Variants in GTF2A1L observed in about 807,000 individuals in gnomAD.
GTF2A1L encodes TFIIA-alpha and beta-like factor.
GTF2A1L carries 48 observed loss-of-function variants against 49.7 expected under a neutral mutation model. The observed-to-expected ratio is 0.97, with a 90% CI of 0.77 to 1.23. The LOEUF is 1.23. GTF2A1L is among the 50% of genes most tolerant of loss of function. GTF2A1L has a pLI of 0.00. For synonymous variants in GTF2A1L, 246 were observed against 193.5 expected, an observed-to-expected ratio of 1.27 and a Z score of -2.25; for missense variants, 736 against 564.8, an observed-to-expected ratio of 1.30 and a Z score of -3.07.
rs74515096 is a variant in GTF2A1L at position 48,673,038 on chromosome 2, T to C, written c.1329+1358T>C. On this transcript the variant is annotated intron_variant, in intron 8 of 8. Coordinates refer to ENST00000403751, the MANE Select transcript of GTF2A1L (RefSeq NM_006872.5). The stretch of plus-strand genomic sequence containing the variant: ...TTCTGGAATTTCATATGAAAGAAAT[T>C]ATATAATATGTGGTCTTTTGTTACT... 7.4e-4 allele frequency among the ~76,000 whole-genome samples: 112 copies of C among 152,332 alleles called. 2 individuals carry two copies. In the East Asian group the frequency reaches 0.02, roughly 27 times the overall value.
In GTF2A1L at chr2:48,646,935, G is replaced by A. The variant is rs1266122240; in HGVS notation, c.871G>A (p.Val291Met). The change falls in exon 6 of 9, where the codon GTG (valine) becomes ATG (methionine). Residue 291 changes from valine to methionine, a missense_variant. Val to Met is a conservative substitution (Grantham distance 21). Transcript: ENST00000403751. ...TSPHGALHQH[V>M]TDIQLHILKN... ...CCCTCATGGGGCTCTCCACCAGCAC[G>A]TGACTGATATTCAGCTTCATATTCT... 7 of 1,614,146 alleles carry A rather than the reference G, an allele frequency of 4.3e-6. No individual in the cohort carries two copies. The highest frequency in any genetic ancestry group is 1.1e-5 in the South Asian group (1 of 91,084).
rs370518807 is a variant in GTF2A1L at position 48,645,102 on chromosome 2, C to G, written c.373C>G (p.Leu125Val). 3 of 1,610,570 alleles carry G rather than the reference C, an allele frequency of 1.9e-6. No homozygotes were observed. The highest frequency in any genetic ancestry group is 2.5e-6 in the Non-Finnish European group (3 of 1,178,884). Reference protein sequence around the residue: ...YPIHVPAGVTLQTVSGHLYKV... With the variant: ...YPIHVPAGVTVQTVSGHLYKV... Reference sequence around the variant, plus strand: ...CATTCATGTACCAGCAGGTGTGACACTACAGACTGTATCTGGTGAGAGTAT... The same window carrying G: ...CATTCATGTACCAGCAGGTGTGACAGTACAGACTGTATCTGGTGAGAGTAT... The change falls in exon 5 of 9, where the codon CTA (leucine) becomes GTA (valine). Residue 125 changes from leucine (L) to valine (V), a missense_variant. Transcript: ENST00000403751.
chr2:48,642,377 T>C (rs760245087), intron 3 of GTF2A1L, 25 bp from the exon 4 acceptor site: 4 of 1,543,442 alleles, frequency 2.6e-6, no homozygotes, highest in Admixed American at 1.7e-5. Flanking sequence ...CTAATGAATG[T>C]ATATTTATTT....
intron 6 of GTF2A1L, among the ~76,000 whole-genome samples, chr2:48,653,260 A>T (rs1483131544): frequency 6.6e-6 from 1 of 151,886 alleles, no homozygotes; most frequent in East Asian, 1.9e-4. Context: ...CTCAAATTTA[A>T]AGAGGCATGA....
At chr2:48,668,822 G>A (rs976550090) in intron 6 of GTF2A1L, among the ~76,000 whole-genome samples, 3 of 143,984 alleles carry the variant, frequency 2.1e-5, no homozygotes, top group Non-Finnish European at 4.4e-5. Context: ...GCGACAGAGC[G>A]AGACCCCGCC....
At chr2:48,678,629 T>C (rs1396977876) in intron 8 of GTF2A1L, among the ~76,000 whole-genome samples, 1 of 152,096 alleles carries the variant, frequency 6.6e-6, no homozygotes, top group African/African-American at 2.4e-5. Context: ...AATTTCTTAT[T>C]TTTTATTGTG....
At chr2:48,652,136 G>A (rs1408722240) in intron 6 of GTF2A1L, among the ~76,000 whole-genome samples, 1 of 152,150 alleles carries the variant, frequency 6.6e-6, no homozygotes, top group Non-Finnish European at 1.5e-5. Context: ...CTCTCCCAGA[G>A]TAAAGAGGGC....
intron 3 of GTF2A1L, among the ~76,000 whole-genome samples, chr2:48,627,459 T>TA (rs1453471212): frequency 6.9e-6 from 1 of 144,250 alleles, no homozygotes; most frequent in African/African-American, 2.5e-5. Context: ...TATACAAGTT[T>TA]AAAAAAATCA....
intron 6 of GTF2A1L, among the ~76,000 whole-genome samples, chr2:48,657,165 A>C (rs1448404158): frequency 6.6e-6 from 1 of 152,148 alleles, no homozygotes; most frequent in Non-Finnish European, 1.5e-5. Context: ...GGTATATTGC[A>C]TCATGCTGAG....
rs761354949 is a variant in GTF2A1L at position 48,646,911 on chromosome 2, C to A, written c.847C>A (p.Pro283Thr). 11 of 1,614,016 alleles carry A rather than the reference C, an allele frequency of 6.8e-6. No homozygotes were observed. Among genetic ancestry groups the A allele is most frequent in the Non-Finnish European group, 8.5e-6 (10 of 1,180,020 alleles). The change falls in exon 6 of 9, where the codon CCT becomes ACT. Residue 283 changes from proline to threonine, a missense_variant. Physicochemically the swap from Pro to Thr is conservative, Grantham distance 38. Transcript: ENST00000403751. ...GCATGATGAGTCCCTCTCCACAAGC[C>A]CTCATGGGGCTCTCCACCAGCACGT... ...NLHDESLSTS[P>T]HGALHQHVTD...
chr2:48,652,022 A>G (rs1484406600), intron 6 of GTF2A1L, among the ~76,000 whole-genome samples: 1 of 152,206 alleles, frequency 6.6e-6, no homozygotes, highest in Non-Finnish European at 1.5e-5. Flanking sequence ...TCAGATAATC[A>G]TGTGAATTTT....
chr2:48,657,685 C>T (rs961742790), intron 6 of GTF2A1L, among the ~76,000 whole-genome samples: 3 of 151,944 alleles, frequency 2.0e-5, no homozygotes, highest in Middle Eastern at 3.5e-3. Flanking sequence ...CTGCTTTCCA[C>T]AGTGGCTGAA....
At chr2:48,619,271 C>A (rs975113199) in intron 1 of GTF2A1L, among the ~76,000 whole-genome samples, 4 of 151,922 alleles carry the variant, frequency 2.6e-5, no homozygotes, top group Non-Finnish European at 5.9e-5. Context: ...GAGTTTGAGA[C>A]CAGCCTGGCC....
At position 48,625,607 on chromosome 2, in the gene GTF2A1L, G is replaced by C. The variant is rs1441736556; in HGVS notation, c.247+4317G>C. Among the ~76,000 whole-genome samples, 4 of 142,030 alleles carry C rather than the reference G, an allele frequency of 2.8e-5. 1 individual carries two copies. Among genetic ancestry groups the C allele is most frequent in the African/African-American group, 1.0e-4 (4 of 40,028 alleles). 93.2% of individuals were successfully genotyped at this position (142,030 alleles called of 152,430 possible). A position where few individuals can be genotyped will look rare whatever the true frequency, so the allele number is the denominator to read the frequency against. On this transcript the variant is annotated intron_variant, in intron 3 of 8. Coordinates refer to ENST00000403751, the MANE Select transcript of GTF2A1L (RefSeq NM_006872.5). ...TATTTTATTTTATTTTTTTGAGGGA[G>C]GGTCTTGCTCTGTCATCCATGCTGG...
intron 4 of GTF2A1L, among the ~76,000 whole-genome samples, chr2:48,643,296 GAGA>G (rs1361482937): frequency 6.6e-6 from 1 of 152,160 alleles, no homozygotes; most frequent in Non-Finnish European, 1.5e-5. Flanking sequence ...TTTTCGGGTA[GAGA>G]AGAATAGCAG....
chr2:48,664,107 T>G (rs1176883288), intron 6 of GTF2A1L, among the ~76,000 whole-genome samples: 1 of 152,166 alleles, frequency 6.6e-6, no homozygotes, highest in African/African-American at 2.4e-5. Context: ...AAAAAAATAT[T>G]TCTTCCCAGA....
chr2:48,618,115 A>G, intron 1 of GTF2A1L: 1 of 534,860 alleles, frequency 1.9e-6, no homozygotes, highest in East Asian at 3.1e-5. Flanking sequence ...CAAAAGAACA[A>G]GTGCCCTTTT....
chr2:48,644,940 GA>G, intron 4 of GTF2A1L, 92 bp from the exon 5 acceptor site: 1 of 1,105,188 alleles, frequency 9.0e-7, no homozygotes, highest in Non-Finnish European at 1.3e-6. Context: ...CTATTGTCCA[GA>G]ATCAGATTTT....
chr2:48,673,860 G>A (rs986337052), intron 8 of GTF2A1L, among the ~76,000 whole-genome samples: 2 of 152,088 alleles, frequency 1.3e-5, no homozygotes, highest in African/African-American at 4.8e-5. Flanking sequence ...ATAGGGTAGG[G>A]ACCTCTGTAA....
Sources: gnomAD v4.1 joint callset for allele counts (sites outside exome capture counted in the v4.1 genomes callset) on GRCh38, gnomAD v4.1.1 for gene constraint, MANE v1.5 for transcripts, NCBI Gene and HGNC (gene_info 2026-07-23, HGNC 2026-07-21) for gene names.